DMXL2: variants seen among roughly 807,000 people sequenced by gnomAD.
The protein encoded by DMXL2 is dmX-like protein 2.
In DMXL2, 103 loss-of-function variants were observed where a neutral mutation model predicts 331.1. The observed-to-expected ratio is 0.31, with a 90% CI of 0.27 to 0.37. DMXL2 has a LOEUF of 0.37. Ranked by LOEUF, DMXL2 falls within the 10% of genes least tolerant of loss-of-function variation. The pLI, the probability that DMXL2 is intolerant of heterozygous loss-of-function variation, is 1.00. For missense variants in DMXL2, 3,171 were observed against 3,642.9 expected (o/e 0.87, Z 3.33); for synonymous variants, 1,281 against 1,252.1 (o/e 1.02, Z -0.49).
intron 6 of DMXL2, among the ~76,000 whole-genome samples, chr15:51,562,019 CAGTT>C (rs1351918567): frequency 6.6e-6 from 1 of 152,074 alleles, no homozygotes; most frequent in Non-Finnish European, 1.5e-5. Context: ...TACAAATACA[CAGTT>C]AGATAGATGG....
chr15:51,581,748 A>G (rs1252790974), intron 1 of DMXL2, among the ~76,000 whole-genome samples: 4 of 152,236 alleles, frequency 2.6e-5, no homozygotes, highest in Admixed American at 2.6e-4. Context: ...CACATTTCCT[A>G]TGAAACTATA....
chr15:51,449,705 T>C (rs1056480525), intron 43 of DMXL2, among the ~76,000 whole-genome samples: 2 of 152,158 alleles, frequency 1.3e-5, no homozygotes, highest in Admixed American at 6.5e-5. Flanking sequence ...TTTTAACTTA[T>C]AATGGGTTTG....
At chr15:51,550,043 C>A (rs917117181) in intron 6 of DMXL2, among the ~76,000 whole-genome samples, 2 of 152,122 alleles carry the variant, frequency 1.3e-5, no homozygotes, top group Non-Finnish European at 2.9e-5. Context: ...TACTAGCTAA[C>A]TGAATCCAAC....
At chr15:51,488,342 G>C (rs2042550972) in intron 21 of DMXL2, among the ~76,000 whole-genome samples, 1 of 152,122 alleles carries the variant, frequency 6.6e-6, no homozygotes, top group Admixed American at 6.5e-5. Context: ...ACTTTGCAAA[G>C]TGCTTTTATC....
rs1369245540 is a variant in DMXL2 at position 51,459,584 on chromosome 15, T to A, written c.7989+14A>T. The A allele has an allele frequency of 2.2e-5, 28 of 1,289,594 alleles. No homozygotes were observed. Among genetic ancestry groups the A allele is most frequent in the Non-Finnish European group, 2.8e-5 (28 of 988,792 alleles). The allele number at this position is 1,289,594 out of a possible 1,614,324, so 79.9% of individuals were successfully genotyped here. Reference sequence around the variant, plus strand: ...TTTAAAGAATGAGCTAAATACAAGATCTTGGAATACTACCTTGATGTGGCA... The same window carrying A: ...TTTAAAGAATGAGCTAAATACAAGAACTTGGAATACTACCTTGATGTGGCA... On this transcript the variant is annotated intron_variant, in intron 34 of 43. Transcript: ENST00000560891.
intron 33 of DMXL2, among the ~76,000 whole-genome samples, chr15:51,461,796 C>A (rs1215517073): frequency 1.3e-5 from 2 of 152,138 alleles, no homozygotes; most frequent in Non-Finnish European, 2.9e-5. Context: ...AGGAGATCCC[C>A]CACCTAGTGC....
chr15:51,455,980 T>C, intron 39 of DMXL2, 86 bp downstream of exon 39: 11 of 1,481,432 alleles, frequency 7.4e-6, no homozygotes, highest in Non-Finnish European at 1.0e-5. Flanking sequence ...GTCACTGAAT[T>C]CATTTTTCGA....
chr15:51,498,124 C>T (rs1045395538), intron 18 of DMXL2, among the ~76,000 whole-genome samples: 4 of 152,024 alleles, frequency 2.6e-5, no homozygotes, highest in East Asian at 3.9e-4. Context: ...CCTGTGGTCC[C>T]GGCTATTCAG....
intron 25 of DMXL2, 79 bp from the exon 26 acceptor site, chr15:51,478,426 C>T: frequency 8.0e-7 from 1 of 1,247,002 alleles, no homozygotes; most frequent in South Asian, 1.3e-5. Flanking sequence ...TAGAAAACAT[C>T]CAGGAAACCT....
intron 2 of DMXL2, among the ~76,000 whole-genome samples, chr15:51,569,436 A>G (rs2050512780): frequency 1.3e-5 from 2 of 152,144 alleles, no homozygotes; most frequent in Admixed American, 1.3e-4. Flanking sequence ...TGACAGCTCT[A>G]AAGAGAGCAG....
intron 6 of DMXL2, among the ~76,000 whole-genome samples, chr15:51,555,473 G>A (rs2049503587): frequency 6.6e-6 from 1 of 152,078 alleles, no homozygotes; most frequent in African/African-American, 2.4e-5. Context: ...GAAATCTTAA[G>A]ACTAGAAGAG....
chr15:51,519,365 A>C (rs866249185), intron 13 of DMXL2, among the ~76,000 whole-genome samples: 2 of 151,958 alleles, frequency 1.3e-5, no homozygotes, highest in Non-Finnish European at 1.5e-5. Context: ...CAATCCTCCC[A>C]CCTCAGCCTC....
At chr15:51,597,212 T>C (rs2052886874) in intron 1 of DMXL2, among the ~76,000 whole-genome samples, 1 of 152,172 alleles carries the variant, frequency 6.6e-6, no homozygotes. Flanking sequence ...AGTACATGTG[T>C]AACCACCACC....
At chr15:51,621,578 C>G (rs2054628606) in intron 1 of DMXL2, among the ~76,000 whole-genome samples, 1 of 152,120 alleles carries the variant, frequency 6.6e-6, no homozygotes, top group Admixed American at 6.5e-5. Context: ...AACGAAGCTC[C>G]AAGGCTTGGT....
intron 1 of DMXL2, among the ~76,000 whole-genome samples, chr15:51,590,294 A>G (rs1260351785): frequency 1.3e-5 from 2 of 152,262 alleles, no homozygotes; most frequent in African/African-American, 4.8e-5. Context: ...AAATGGCTTT[A>G]TGTACACAGA....
At chr15:51,566,364 G>A (rs964155959) in intron 3 of DMXL2, among the ~76,000 whole-genome samples, 1 of 151,790 alleles carries the variant, frequency 6.6e-6, no homozygotes, top group Admixed American at 6.6e-5. Context: ...CCCTACCACT[G>A]CTGACCAAAC....
intron 21 of DMXL2, 42 bp downstream of exon 21, chr15:51,488,506 T>C: frequency 6.6e-7 from 1 of 1,520,076 alleles, no homozygotes; most frequent in East Asian, 2.3e-5. Flanking sequence ...CACAGCACAA[T>C]CTTCATTCTG....
At chr15:51,613,291 T>C (rs1339881337) in intron 1 of DMXL2, among the ~76,000 whole-genome samples, 1 of 152,242 alleles carries the variant, frequency 6.6e-6, no homozygotes, top group Non-Finnish European at 1.5e-5. Context: ...TCACAATTTA[T>C]GTTCAGAGAC....
chr15:51,570,323 T>C (rs1182505647), intron 2 of DMXL2, among the ~76,000 whole-genome samples: 1 of 152,196 alleles, frequency 6.6e-6, no homozygotes, highest in Admixed American at 6.5e-5. Context: ...TTGATTGGTA[T>C]ACCTGAAAGT....
Sources: gnomAD v4.1 joint callset for allele counts (sites outside exome capture counted in the v4.1 genomes callset) on GRCh38, gnomAD v4.1.1 for gene constraint, MANE v1.5 for transcripts, NCBI Gene and HGNC (gene_info 2026-07-23, HGNC 2026-07-21) for gene names.